Variants in CIRSR observed in about 807,000 individuals in gnomAD.
CIRSR encodes corepressor of RBPJ and splicing regulator.
At chr2:174,348,654 T>C in the CIRSR span, 1 of 1,614,242 alleles carries the variant, frequency 6.2e-7, no homozygotes, top group Admixed American at 1.7e-5. Context: ...CTCCCTTTGC[T>C]TGTAACTACC....
the CIRSR span, chr2:174,351,953 G>A: frequency 1.7e-5 from 6 of 361,112 alleles, no homozygotes; most frequent in African/African-American, 8.4e-5. Context: ...GTCTTCTTAT[G>A]TAACTTTGTC....
the CIRSR span, chr2:174,369,864 C>A: frequency 1.7e-6 from 2 of 1,145,226 alleles, no homozygotes; most frequent in Non-Finnish European, 2.3e-6. Flanking sequence ...CACAGATCAC[C>A]ATAATGATAT....
the CIRSR span, among the ~76,000 whole-genome samples, chr2:174,363,941 A>G: frequency 5.1e-3 from 781 of 152,232 alleles, 7 homozygotes; most frequent in African/African-American, 0.018. Flanking sequence ...CACATTTCAA[A>G]ACAAATAATG....
the CIRSR span, among the ~76,000 whole-genome samples, chr2:174,362,510 C>T: frequency 6.6e-6 from 1 of 151,148 alleles, no homozygotes. Flanking sequence ...AAAGCTGAAA[C>T]AACAGAAAAT....
At chr2:174,349,982 G>A in the CIRSR span, among the ~76,000 whole-genome samples, 2 of 151,976 alleles carry the variant, frequency 1.3e-5, no homozygotes, top group African/African-American at 2.4e-5. Flanking sequence ...CTGAAATATT[G>A]GTTTTATAAA....
chr2:174,394,324 C>A, the CIRSR span, among the ~76,000 whole-genome samples: 2 of 152,090 alleles, frequency 1.3e-5, no homozygotes, highest in Non-Finnish European at 2.9e-5. Flanking sequence ...CAGCTGACCC[C>A]CTAAGTATGC....
At chr2:174,380,841 GA>G in the CIRSR span, 3 of 1,560,866 alleles carry the variant, frequency 1.9e-6, no homozygotes, top group Admixed American at 1.8e-5. Context: ...AAATATGGAA[GA>G]AAAAAGGTAT....
the CIRSR span, chr2:174,351,544 C>T: frequency 8.1e-6 from 10 of 1,240,896 alleles, no homozygotes; most frequent in Non-Finnish European, 1.0e-5. Context: ...TATTGGAAAA[C>T]ATTAAGTAGC....
chr2:174,391,575 G>A, the CIRSR span, among the ~76,000 whole-genome samples: 1 of 152,164 alleles, frequency 6.6e-6, no homozygotes, highest in Non-Finnish European at 1.5e-5. Context: ...GGGCAACAGA[G>A]TGAGCCTCCA....
the CIRSR span, chr2:174,387,566 A>C: frequency 9.1e-7 from 1 of 1,097,576 alleles, no homozygotes; most frequent in Non-Finnish European, 1.3e-6. Flanking sequence ...TCACGGAAAG[A>C]CACGAATCCT....
chr2:174,393,367 TTC>T, the CIRSR span, among the ~76,000 whole-genome samples: 1 of 152,174 alleles, frequency 6.6e-6, no homozygotes, highest in Admixed American at 6.5e-5. Flanking sequence ...ATATACAGCA[TTC>T]ACTCTTATTT....
chr2:174,363,661 G>A, the CIRSR span, among the ~76,000 whole-genome samples: 1 of 152,160 alleles, frequency 6.6e-6, no homozygotes, highest in Non-Finnish European at 1.5e-5. Context: ...AATCATGGTG[G>A]AAGGCAAGGA....
At chr2:174,370,079 G>C in the CIRSR span, 1 of 1,341,988 alleles carries the variant, frequency 7.5e-7, no homozygotes, top group Non-Finnish European at 9.9e-7. Flanking sequence ...TTTCAGGGCT[G>C]GTTCATCCAC....
chr2:174,360,741 T>C, the CIRSR span, among the ~76,000 whole-genome samples: 1 of 152,198 alleles, frequency 6.6e-6, no homozygotes, highest in African/African-American at 2.4e-5. Flanking sequence ...AAGATTGTAA[T>C]TAAAAATTTG....
At chr2:174,387,937 GGAA>G in the CIRSR span, among the ~76,000 whole-genome samples, 5 of 152,164 alleles carry the variant, frequency 3.3e-5, no homozygotes, top group East Asian at 3.9e-4. Flanking sequence ...AATACACAGT[GGAA>G]GAAGAAGAAT....
At chr2:174,356,554 A>C in the CIRSR span, among the ~76,000 whole-genome samples, 1 of 112,538 alleles carries the variant, frequency 8.9e-6, no homozygotes, top group Admixed American at 9.4e-5. Flanking sequence ...AAGGAAGGAA[A>C]GGAAGAAAGA....
At chr2:174,393,898 T>C in the CIRSR span, among the ~76,000 whole-genome samples, 1 of 152,182 alleles carries the variant, frequency 6.6e-6, no homozygotes, top group Non-Finnish European at 1.5e-5. Flanking sequence ...TTATCCTTAG[T>C]TAATAAAGAA....
chr2:174,387,656 A>G, the CIRSR span: 4 of 1,562,574 alleles, frequency 2.6e-6, no homozygotes, highest in African/African-American at 2.8e-5. Context: ...TGATAATTCT[A>G]GATATACTGG....
the CIRSR span, among the ~76,000 whole-genome samples, chr2:174,394,325 C>G: frequency 6.6e-6 from 1 of 152,114 alleles, no homozygotes; most frequent in Non-Finnish European, 1.5e-5. Context: ...AGCTGACCCC[C>G]TAAGTATGCA....
Sources: allele counts gnomAD v4.1 joint callset (sites outside exome capture counted in the v4.1 genomes callset), GRCh38; gene constraint gnomAD v4.1.1; transcripts MANE v1.5; gene names NCBI Gene and HGNC (gene_info 2026-07-23, HGNC 2026-07-21).